The following FCSK variants were observed in gnomAD, a reference collection of about 807,000 sequenced individuals.
FCSK encodes the protein L-fucose kinase.
Under a neutral mutation model 122.5 loss-of-function variants are expected in FCSK, and 123 were observed. The ratio of observed to expected loss-of-function variants is 1.00; its 90% CI spans 0.87 to 1.17. The LOEUF (loss-of-function observed/expected upper bound fraction) is 1.17, where lower values mean the gene tolerates loss of function less well. FCSK is among the 50% of genes most tolerant of loss of function. The pLI is 0.00. For synonymous variants in FCSK, 620 were observed against 625.5 expected, an observed-to-expected ratio of 0.99 and a Z score of 0.13; for missense variants, 1,366 against 1,450.4, an observed-to-expected ratio of 0.94 and a Z score of 0.95.
At position 70,478,658 on chromosome 16, in the gene FCSK, G is replaced by A. The variant is rs1348398852; in HGVS notation, c.2929+8G>A. 1 of 1,611,640 alleles carries A rather than the reference G, an allele frequency of 6.2e-7. No individual in the cohort carries two copies. ...CTGAAGGCTTCCGCCAAGGTGAGGG[G>A]CTTCCTCTGGGGGGGTCAGGGCACT... On this transcript the variant is annotated splice_region_variant and intron_variant, in intron 22 of 23. Coordinates refer to ENST00000288078, the MANE Select transcript of FCSK (RefSeq NM_145059.3).
intron 8 of FCSK, among the ~76,000 whole-genome samples, chr16:70,468,502 C>T (rs1297244327): frequency 6.6e-6 from 1 of 152,120 alleles, no homozygotes; most frequent in Non-Finnish European, 1.5e-5. Context: ...AGAATGTGAG[C>T]AAGTTAGGGA....
In FCSK at chr16:70,473,122, G is replaced by A. The variant is rs752172854; in HGVS notation, c.1546G>A (p.Gly516Ser). Residue 516 changes from glycine to serine, a missense_variant, in exon 15 of 24, where the codon GGC becomes AGC. Gly to Ser is a moderately conservative substitution (Grantham distance 56, BLOSUM62 0). Coordinates refer to ENST00000288078, the MANE Select transcript of FCSK (RefSeq NM_145059.3). The surrounding 1 kb of genome is among the most constrained non-coding windows in gnomAD (Gnocchi z 4.9). ...GATGCTGGACCACCAGGAGGATGGG[G>A]GCGAGGCCCTGCGAGCCTGGCGGGC... is the stretch of plus-strand genomic sequence containing the variant. ...LWMLDHQEDGGEALRAWRASW... is the reference protein window; with the variant it reads ...LWMLDHQEDGSEALRAWRASW... The A allele has an allele frequency of 3.2e-6, 5 of 1,579,484 alleles. No homozygotes were observed.
At position 70,474,844 on chromosome 16, in the gene FCSK, G is replaced by A. The variant is rs1412019501; in HGVS notation, c.2210G>A (p.Gly737Asp). ...LAYELGGAVLGLAVRVDGRRP... is the reference protein window; with the variant it reads ...LAYELGGAVLDLAVRVDGRRP... Reference sequence around the variant, plus strand: ...TATGAGCTTGGCGGGGCTGTGCTGGGCCTGGCTGTGCGAGTGGACGGCCGC... The same window carrying A: ...TATGAGCTTGGCGGGGCTGTGCTGGACCTGGCTGTGCGAGTGGACGGCCGC... The change falls in exon 18 of 24, where the codon GGC becomes GAC. Residue 737 changes from glycine (G) to aspartate (D), a missense_variant. Transcript: ENST00000288078. The A allele has an allele frequency of 1.3e-6, 2 of 1,595,440 alleles. No individual in the cohort carries two copies. Among genetic ancestry groups the A allele is most frequent in the South Asian group, 2.3e-5 (2 of 88,620 alleles).
Position 70,474,904 on chromosome 16 carries a change from A to G in FCSK, c.2270A>G (p.Glu757Gly). Residue 757 changes from glutamate to glycine, a missense_variant, in exon 18 of 24, where the codon GAG (glutamate) becomes GGG (glycine). Transcript: ENST00000288078. ...GGAGCCAGGGCACGCCGCATCCCGGAGCCTGAGCTGTGGCTGGCGGTGGGG... is the reference window on the plus strand; with the variant it reads ...GGAGCCAGGGCACGCCGCATCCCGGGGCCTGAGCTGTGGCTGGCGGTGGGG... ...PIGARARRIP[E>G]PELWLAVGPR... 6.2e-7 allele frequency: 1 copy of G among 1,610,262 alleles called. No individual in the cohort carries two copies. Among genetic ancestry groups the G allele is most frequent in the Non-Finnish European group, 8.5e-7 (1 of 1,178,824 alleles).
chr16:70,463,846 C>T, intron 3 of FCSK, 72 bp downstream of exon 3: 1 of 1,469,304 alleles, frequency 6.8e-7, no homozygotes, highest in South Asian at 1.3e-5. Context: ...AGATCCCCAG[C>T]TCCTCTGGCT....
At chr16:70,475,276 G>C in intron 18 of FCSK, 74 bp from the exon 19 acceptor site, 2 of 1,554,486 alleles carry the variant, frequency 1.3e-6, no homozygotes, top group Non-Finnish European at 1.7e-6. Context: ...ACTGGGCTGG[G>C]AAGTCCAGGG....
At position 70,479,373 on chromosome 16, in the gene FCSK, G is replaced by A; in HGVS notation, c.3123G>A (p.Glu1041=). 2 of 1,613,780 alleles carry A rather than the reference G, an allele frequency of 1.2e-6. No individual in the cohort carries two copies. Among genetic ancestry groups the A allele is most frequent in the Non-Finnish European group, 1.7e-6 (2 of 1,179,992 alleles). ...YLLTKEPQQK[E]ALEAVLAKTE... is the part of the protein sequence containing the mutation. The stretch of plus-strand genomic sequence containing the variant: ...TGACCAAGGAGCCACAGCAAAAGGA[G>A]GCCTTGGAGGCGGTGCTGGCCAAGA... The change falls in exon 23 of 24, where the codon GAG becomes GAA. Residue 1041 remains glutamate, a synonymous_variant. Coordinates refer to ENST00000288078, the MANE Select transcript of FCSK (RefSeq NM_145059.3).
chr16:70,461,278 C>G (rs1270710568), intron 1 of FCSK, among the ~76,000 whole-genome samples: 1 of 152,078 alleles, frequency 6.6e-6, no homozygotes, highest in African/African-American at 2.4e-5. Context: ...CTTGCATGGG[C>G]TTTTCCCATG....
At chr16:70,472,659 T>A in intron 14 of FCSK, 54 bp downstream of exon 14, 1 of 1,413,750 alleles carries the variant, frequency 7.1e-7, no homozygotes, top group South Asian at 1.2e-5. Flanking sequence ...GGGTGGCTGC[T>A]GCTCTTTGAG....
At chr16:70,460,954 A>G (rs1295989512) in intron 1 of FCSK, among the ~76,000 whole-genome samples, 1 of 152,120 alleles carries the variant, frequency 6.6e-6, no homozygotes, top group Admixed American at 6.6e-5. Context: ...AGTTGGAGGG[A>G]GGGCTTGGTG....
intron 4 of FCSK, among the ~76,000 whole-genome samples, chr16:70,465,878 AG>A (rs2048402450): frequency 6.6e-6 from 1 of 152,138 alleles, no homozygotes; most frequent in South Asian, 2.1e-4. Flanking sequence ...GCTTGAACCC[AG>A]GAGGCGGAGG....
At chr16:70,463,803 G>T in intron 3 of FCSK, 29 bp downstream of exon 3, 1 of 1,583,154 alleles carries the variant, frequency 6.3e-7, no homozygotes. Flanking sequence ...CACCTCCCTG[G>T]TCTGTGTCCC....
intron 20 of FCSK, among the ~76,000 whole-genome samples, chr16:70,476,906 G>A (rs561378161): frequency 2.4e-4 from 36 of 152,278 alleles, no homozygotes; most frequent in Non-Finnish European, 4.4e-4. Flanking sequence ...AGCAAAAATG[G>A]GGTCCCTGCC....
intron 1 of FCSK, among the ~76,000 whole-genome samples, chr16:70,455,954 G>A (rs1410288629): frequency 2.6e-5 from 4 of 151,956 alleles, no homozygotes; most frequent in South Asian, 4.2e-4. Context: ...AGGCCAAGGC[G>A]GGAGGATTAC....
In FCSK at chr16:70,472,537, C is replaced by G. The variant is rs751411749; in HGVS notation, c.1342-4C>G. ...AGCCCTGACTGCTTCTTCCTCTCCC[C>G]CAGAGACAGGGGGCAGGCACATATC... On this transcript the variant is annotated splice_region_variant and splice_polypyrimidine_tract_variant and intron_variant, in intron 13 of 23. Transcript: ENST00000288078. 7 of 1,611,704 alleles carry G rather than the reference C, an allele frequency of 4.3e-6. No individual in the cohort carries two copies. In the African/African-American group the frequency reaches 8.0e-5, roughly 18 times the overall value.
intron 1 of FCSK, among the ~76,000 whole-genome samples, chr16:70,455,828 A>G (rs1265707491): frequency 5.3e-5 from 8 of 150,356 alleles, no homozygotes; most frequent in Non-Finnish European, 8.9e-5. Flanking sequence ...GGAGGCGGAG[A>G]TTGCAGTGAG....
intron 20 of FCSK, 74 bp from the exon 21 acceptor site, chr16:70,478,198 G>A (rs2048874567): frequency 1.3e-6 from 2 of 1,503,956 alleles, no homozygotes; most frequent in Admixed American, 3.5e-5. Flanking sequence ...AAGGGGTGCA[G>A]GGCCGGGAGC....
At position 70,467,935 on chromosome 16, in the gene FCSK, G is replaced by T; in HGVS notation, c.632G>T (p.Arg211Leu). The T allele has an allele frequency of 6.2e-7, 1 of 1,614,174 alleles. No homozygotes were observed. Among genetic ancestry groups the T allele is most frequent in the Non-Finnish European group, 8.5e-7 (1 of 1,180,018 alleles). ...YYQGTEAEIQ[R>L]CVRPDGRVPL... Reference sequence around the variant, plus strand: ...CAGGGCACTGAGGCAGAGATTCAGCGGTGTGTCAGGCCTGATGGGCGGGTG... The same window carrying T: ...CAGGGCACTGAGGCAGAGATTCAGCTGTGTGTCAGGCCTGATGGGCGGGTG... The change falls in exon 8 of 24, where the codon CGG becomes CTG. Residue 211 changes from arginine (R) to leucine (L), a missense_variant. Transcript: ENST00000288078.
rs1173153403 is a variant in FCSK, at chr16:70,479,582, C to T, written c.3157C>T (p.Leu1053Phe). ...AAATACTTCCTGTCTTGTCCAGGGCCTTGGGAATTACAGCATCCACCTGGT... is the reference window on the plus strand; with the variant it reads ...AAATACTTCCTGTCTTGTCCAGGGCTTTGGGAATTACAGCATCCACCTGGT... ...LEAVLAKTEG[L>F]GNYSIHLVEV... Residue 1053 changes from leucine to phenylalanine, a missense_variant, in exon 24 of 24, where the codon CTT (leucine) becomes TTT (phenylalanine). By Grantham distance (22) the Leu-to-Phe change is conservative. Transcript: ENST00000288078. 6.2e-7 allele frequency: 1 copy of T among 1,613,722 alleles called. No individual in the cohort carries two copies. The highest frequency in any genetic ancestry group is 1.7e-5 in the Admixed American group (1 of 59,976).
Sources: allele counts gnomAD v4.1 joint callset (sites outside exome capture counted in the v4.1 genomes callset), GRCh38; gene constraint gnomAD v4.1.1; non-coding constraint Gnocchi (gnomAD v3.1); transcripts MANE v1.5; gene names NCBI Gene and HGNC (gene_info 2026-07-23, HGNC 2026-07-21).